SUCLG2: variants seen among roughly 807,000 people sequenced by gnomAD.
SUCLG2 encodes the protein succinate-CoA ligase GDP-forming subunit beta.
SUCLG2 carries 42 observed loss-of-function variants against 47.9 expected under a neutral mutation model. The observed-to-expected ratio is 0.88, with a 90% CI of 0.69 to 1.14. The LOEUF (loss-of-function observed/expected upper bound fraction) is 1.14, where lower values mean the gene tolerates loss of function less well. Ranked by LOEUF, SUCLG2 falls within the 50% of genes most tolerant of loss-of-function variation. The pLI, the probability that SUCLG2 is intolerant of heterozygous loss-of-function variation, is 0.00. For missense variants in SUCLG2, 571 were observed against 525.9 expected (o/e 1.09, Z -0.84); for synonymous variants, 195 against 197.3 (o/e 0.99, Z 0.10).
chr3:67,461,285 A>G (rs1704325940), intron 9 of SUCLG2, among the ~76,000 whole-genome samples: 1 of 152,168 alleles, frequency 6.6e-6, no homozygotes, highest in Non-Finnish European at 1.5e-5. Context: ...AGTGCATTGA[A>G]GCCAACTCAT....
intron 2 of SUCLG2, among the ~76,000 whole-genome samples, chr3:67,567,040 T>C (rs1332844999): frequency 3.3e-5 from 5 of 152,152 alleles, no homozygotes; most frequent in African/African-American, 2.4e-5. Flanking sequence ...AAAAATTAGC[T>C]GCCCATGGTG....
At chr3:67,395,300 T>C (rs890809955) in intron 10 of SUCLG2, among the ~76,000 whole-genome samples, 1 of 152,080 alleles carries the variant, frequency 6.6e-6, no homozygotes, top group Non-Finnish European at 1.5e-5. Flanking sequence ...GAGACACACA[T>C]AGGCTCAAAA....
In SUCLG2 at chr3:67,610,569, G is replaced by C. The variant is rs1427425057; in HGVS notation, c.85-973C>G. On this transcript the variant is annotated intron_variant, in intron 1 of 10. Coordinates refer to ENST00000307227, the MANE Select transcript of SUCLG2 (RefSeq NM_003848.4). ...AATGTAAACTCCTTTCCATCCATGA[G>C]TCATATGCAAAGGAAACATTACTCA... Among the ~76,000 whole-genome samples the C allele has an allele frequency of 2.0e-5, 3 of 149,922 alleles. No homozygotes were observed. In the East Asian group the frequency reaches 5.8e-4, roughly 29 times the overall value.
At chr3:67,415,443 T>A (rs1703019149) in intron 9 of SUCLG2, among the ~76,000 whole-genome samples, 1 of 152,210 alleles carries the variant, frequency 6.6e-6, no homozygotes, top group African/African-American at 2.4e-5. Flanking sequence ...CTTACTGATA[T>A]CTCACCACGA....
At chr3:67,622,427 C>G (rs571286686) in intron 1 of SUCLG2, among the ~76,000 whole-genome samples, 2 of 152,036 alleles carry the variant, frequency 1.3e-5, no homozygotes, top group Non-Finnish European at 2.9e-5. Flanking sequence ...ATGGATTTTC[C>G]GATGAGACAA....
chr3:67,361,673 G>T (rs1240538709), intron 10 of SUCLG2, among the ~76,000 whole-genome samples: 2 of 152,164 alleles, frequency 1.3e-5, no homozygotes, highest in African/African-American at 4.8e-5. Context: ...TGCATTAACG[G>T]CCCAATTCTT....
intron 9 of SUCLG2, among the ~76,000 whole-genome samples, chr3:67,457,096 C>A (rs1011889365): frequency 6.6e-6 from 1 of 152,124 alleles, no homozygotes; most frequent in African/African-American, 2.4e-5. Flanking sequence ...AAGCAAACCC[C>A]AAATATCCTC....
intron 9 of SUCLG2, among the ~76,000 whole-genome samples, chr3:67,486,688 A>C (rs762201219): frequency 2.6e-5 from 4 of 152,168 alleles, no homozygotes; most frequent in Non-Finnish European, 5.9e-5. Context: ...GACACTTAGG[A>C]ATGCTAGAAA....
chr3:67,439,381 C>T (rs774576328), intron 9 of SUCLG2, among the ~76,000 whole-genome samples: 10 of 152,028 alleles, frequency 6.6e-5, no homozygotes, highest in Admixed American at 3.9e-4. Flanking sequence ...TTGGAAGTTC[C>T]GGCCAGGGCA....
chr3:67,393,113 T>C (rs1488211329), intron 10 of SUCLG2, among the ~76,000 whole-genome samples: 2 of 152,220 alleles, frequency 1.3e-5, no homozygotes, highest in Non-Finnish European at 2.9e-5. Flanking sequence ...GGGTGATTTC[T>C]GCATTTCCAT....
chr3:67,477,685 ACT>A (rs1704802088), intron 9 of SUCLG2, among the ~76,000 whole-genome samples: 4 of 152,172 alleles, frequency 2.6e-5, no homozygotes, highest in South Asian at 4.1e-4. Flanking sequence ...ACAGAGCAAG[ACT>A]CTGTCTCAAA....
intron 9 of SUCLG2, among the ~76,000 whole-genome samples, chr3:67,430,184 T>C (rs1703438364): frequency 6.6e-6 from 1 of 152,124 alleles, no homozygotes; most frequent in Admixed American, 6.5e-5. Flanking sequence ...ATTCCAAAAT[T>C]GACCACAGAG....
rs149869225 is a variant in SUCLG2 at position 67,539,801 on chromosome 3, A to T, written c.227-10615T>A. Among the ~76,000 whole-genome samples, 674 of 152,226 alleles carry T rather than the reference A, an allele frequency of 4.4e-3. 8 individuals carry two copies. In the East Asian group the frequency reaches 0.054, roughly 12 times the overall value. On this transcript the variant is annotated intron_variant, in intron 2 of 10. Transcript: ENST00000307227. The stretch of plus-strand genomic sequence containing the variant: ...GTTTAGTCATGGGAAGGTGTATGTG[A>T]CCAGGAATTCATCCATTTCTTCCAG...
At chr3:67,596,270 T>C (rs979047662) in intron 2 of SUCLG2, among the ~76,000 whole-genome samples, 1 of 152,192 alleles carries the variant, frequency 6.6e-6, no homozygotes, top group African/African-American at 2.4e-5. Flanking sequence ...TAGCTTTACA[T>C]ACAAACAGTA....
chr3:67,434,848 G>A (rs1559525276), intron 9 of SUCLG2, among the ~76,000 whole-genome samples: 1 of 152,154 alleles, frequency 6.6e-6, no homozygotes, highest in Non-Finnish European at 1.5e-5. Flanking sequence ...CAAGAGAACT[G>A]CACCCAAAAG....
chr3:67,548,848 A>T (rs1267463593), intron 2 of SUCLG2, among the ~76,000 whole-genome samples: 1 of 152,208 alleles, frequency 6.6e-6, no homozygotes, highest in African/African-American at 2.4e-5. Flanking sequence ...CTGGCCTACA[A>T]GAGGCACCCA....
intron 9 of SUCLG2, among the ~76,000 whole-genome samples, chr3:67,484,433 A>T (rs1419332706): frequency 3.3e-5 from 5 of 152,248 alleles, no homozygotes; most frequent in Admixed American, 2.6e-4. Context: ...GGCTGACAAT[A>T]TGAGTTTGTT....
rs115152064 is a variant in SUCLG2, at chr3:67,557,569, A to C, written c.227-28383T>G. ...AGACCTCATGTTTTTATTTGAACTT[A>C]CTTTATTCTGTTATAAGGTTAGGAA... On this transcript the variant is annotated intron_variant, in intron 2 of 10. Transcript: ENST00000307227. Among the ~76,000 whole-genome samples, 564 of 152,282 alleles carry C rather than the reference A, an allele frequency of 3.7e-3. 3 individuals are homozygous for C. The highest frequency in any genetic ancestry group is 0.013 in the African/African-American group (535 of 41,570).
intron 4 of SUCLG2, among the ~76,000 whole-genome samples, chr3:67,526,264 C>G (rs1706252961): frequency 6.6e-6 from 1 of 152,186 alleles, no homozygotes; most frequent in Admixed American, 6.5e-5. Context: ...ATAAAATACA[C>G]TAACACTAAC....
Sources: allele counts gnomAD v4.1 joint callset (sites outside exome capture counted in the v4.1 genomes callset), GRCh38; gene constraint gnomAD v4.1.1; transcripts MANE v1.5; gene names NCBI Gene and HGNC (gene_info 2026-07-23, HGNC 2026-07-21).